MYT1L: variants seen among roughly 807,000 people sequenced by gnomAD.
The protein encoded by MYT1L is myelin transcription factor 1 like.
MYT1L carries 12 observed loss-of-function variants against 126.7 expected under a neutral mutation model. The ratio of observed to expected loss-of-function variants is 0.09; its 90% confidence interval spans 0.06 to 0.15. The LOEUF (loss-of-function observed/expected upper bound fraction) is 0.15. MYT1L is among the 10% of genes least tolerant of loss of function. The pLI is 1.00. For synonymous variants in MYT1L, 541 were observed against 604.2 expected, an observed-to-expected ratio of 0.90 and a Z score of 1.53; for missense variants, 979 against 1,585.2, an observed-to-expected ratio of 0.62 and a Z score of 6.49.
chr2:2,296,352 C>T (rs553903458), intron 1 of MYT1L, among the ~76,000 whole-genome samples: 4 of 151,872 alleles, frequency 2.6e-5, no homozygotes, highest in African/African-American at 9.7e-5. Context: ...TCACTAGTCC[C>T]ATTTAGATCA....
At chr2:1,977,869 T>G (rs2060305078) in intron 8 of MYT1L, among the ~76,000 whole-genome samples, 1 of 152,210 alleles carries the variant, frequency 6.6e-6, no homozygotes. Flanking sequence ...ACATATATAT[T>G]TCTTCATAAA....
In MYT1L at chr2:1,941,845, C is replaced by A. The variant is rs535541620; in HGVS notation, c.505+1137G>T. ...GCATAGGAATCTTAAGCCACTGTAACAATCTAGGATTATTTCATAAAATTC... is the reference window on the plus strand; with the variant it reads ...GCATAGGAATCTTAAGCCACTGTAAAAATCTAGGATTATTTCATAAAATTC... On this transcript the variant is annotated intron_variant, in intron 9 of 24. Transcript: ENST00000647738. Among the ~76,000 whole-genome samples the A allele has an allele frequency of 1.6e-4, 24 of 152,240 alleles. No homozygotes were observed. In the South Asian group the frequency reaches 4.8e-3, roughly 30 times the overall value.
intron 2 of MYT1L, among the ~76,000 whole-genome samples, chr2:2,185,918 G>A (rs1309629009): frequency 8.5e-6 from 1 of 117,280 alleles, no homozygotes; most frequent in Non-Finnish European, 1.7e-5. Context: ...GCCTTCCCAA[G>A]TCCCGCGTTC....
intron 2 of MYT1L, among the ~76,000 whole-genome samples, chr2:2,251,245 T>C (rs1016780819): frequency 1.3e-5 from 2 of 152,210 alleles, no homozygotes; most frequent in Non-Finnish European, 2.9e-5. Flanking sequence ...TTACTTTCTT[T>C]AATTTGCTTA....
chr2:1,856,254 C>T (rs891321601), intron 18 of MYT1L, among the ~76,000 whole-genome samples: 9 of 152,234 alleles, frequency 5.9e-5, no homozygotes, highest in African/African-American at 1.9e-4. Context: ...TGGACTTGAC[C>T]CCTTGTCCCC....
chr2:1,953,463 C>T (rs990574066), intron 8 of MYT1L, among the ~76,000 whole-genome samples: 3 of 152,198 alleles, frequency 2.0e-5, no homozygotes, highest in Non-Finnish European at 2.9e-5. Context: ...TCAAGTTCCC[C>T]CTTCTCCATC....
At chr2:1,981,022 T>C (rs2060568822) in intron 5 of MYT1L, among the ~76,000 whole-genome samples, 1 of 152,012 alleles carries the variant, frequency 6.6e-6, no homozygotes, top group Admixed American at 6.5e-5. Context: ...GAAGACTCAT[T>C]AGATGCCTGT....
intron 1 of MYT1L, among the ~76,000 whole-genome samples, chr2:2,298,238 G>A (rs1045773168): frequency 1.3e-5 from 2 of 152,214 alleles, no homozygotes; most frequent in Non-Finnish European, 1.5e-5. Flanking sequence ...CATATACGTG[G>A]AAGATTCTGG....
At chr2:2,177,271 C>G (rs1304102772) in intron 2 of MYT1L, among the ~76,000 whole-genome samples, 1 of 152,224 alleles carries the variant, frequency 6.6e-6, no homozygotes, top group Non-Finnish European at 1.5e-5. Flanking sequence ...TATATTTAGT[C>G]ACACATATGC....
chr2:2,121,007 G>A (rs576567419), intron 3 of MYT1L, among the ~76,000 whole-genome samples: 1 of 152,272 alleles, frequency 6.6e-6, no homozygotes, highest in African/African-American at 2.4e-5. Context: ...CGGGAGGCCG[G>A]CGCGGAGGAA....
chr2:2,293,906 G>A (rs986090589), intron 1 of MYT1L, among the ~76,000 whole-genome samples: 23 of 152,192 alleles, frequency 1.5e-4, no homozygotes, highest in Admixed American at 3.9e-4. Flanking sequence ...CGTGCTTGGC[G>A]CGCCTCTGAG....
At chr2:2,295,709 C>CAGAGAGAGAGAGAGAGAG in intron 1 of MYT1L, among the ~76,000 whole-genome samples, 1 of 67,996 alleles carries the variant, frequency 1.5e-5, no homozygotes, top group Admixed American at 1.5e-4. Flanking sequence ...GAGAGACAGA[C>CAGAGAGAGAGAGAGAGAG]AGACAGAGAG....
chr2:1,814,521 G>T (rs2037328600), intron 21 of MYT1L, among the ~76,000 whole-genome samples: 1 of 152,206 alleles, frequency 6.6e-6, no homozygotes, highest in South Asian at 2.1e-4. Flanking sequence ...GATGGGACAT[G>T]TTTAGTAAAA....
At chr2:2,265,129 G>T (rs2095091700) in intron 2 of MYT1L, among the ~76,000 whole-genome samples, 1 of 151,584 alleles carries the variant, frequency 6.6e-6, no homozygotes, top group South Asian at 2.1e-4. Flanking sequence ...CTGGGTTCAA[G>T]AAATTCTCCT....
intron 5 of MYT1L, among the ~76,000 whole-genome samples, chr2:1,992,230 G>A (rs1014161410): frequency 1.5e-4 from 23 of 152,210 alleles, no homozygotes; most frequent in African/African-American, 5.3e-4. Flanking sequence ...GTTCTCCATA[G>A]TTAGTTCCTG....
Position 1,979,692 on chromosome 2 carries a change from G to T in MYT1L, c.55+31C>A. 1.9e-6 allele frequency: 3 copies of T among 1,613,196 alleles called. No individual in the cohort carries two copies. Among genetic ancestry groups the T allele is most frequent in the Non-Finnish European group, 2.5e-6 (3 of 1,179,214 alleles). On this transcript the variant is annotated intron_variant, in intron 6 of 24. Transcript: ENST00000647738. This position sits in a 1 kb window ranked among gnomAD's most constrained non-coding sequence, Gnocchi z 4.0. ...CGCAGGATGAAGGTGACCCTGAGCCGGCCTCAGGATGCAGGGAAGCGCGGA... is the reference window on the plus strand; with the variant it reads ...CGCAGGATGAAGGTGACCCTGAGCCTGCCTCAGGATGCAGGGAAGCGCGGA...
intron 4 of MYT1L, among the ~76,000 whole-genome samples, chr2:2,044,077 TA>T (rs2150035312): frequency 6.6e-6 from 1 of 152,362 alleles, no homozygotes; most frequent in South Asian, 2.1e-4. Context: ...GTGAATGTTT[TA>T]CAGTGGTTGT....
At chr2:2,163,827 C>T (rs1260019858) in intron 3 of MYT1L, among the ~76,000 whole-genome samples, 2 of 152,004 alleles carry the variant, frequency 1.3e-5, no homozygotes, top group Admixed American at 6.6e-5. Context: ...GGATTCTTTG[C>T]CTCAACATGC....
chr2:2,237,159 C>T (rs2094341435), intron 2 of MYT1L, among the ~76,000 whole-genome samples: 1 of 152,118 alleles, frequency 6.6e-6, no homozygotes, highest in Non-Finnish European at 1.5e-5. Flanking sequence ...GAAGGACATG[C>T]TCATACTTTC....
Sources: allele counts gnomAD v4.1 joint callset (sites outside exome capture counted in the v4.1 genomes callset), GRCh38; gene constraint gnomAD v4.1.1; non-coding constraint Gnocchi (gnomAD v3.1); transcripts MANE v1.5; gene names NCBI Gene and HGNC (gene_info 2026-07-23, HGNC 2026-07-21).